Variants in DIAPH2 observed in about 807,000 individuals in gnomAD.
DIAPH2 encodes the protein diaphanous related formin 2.
A neutral mutation model predicts 92.7 loss-of-function variants in DIAPH2; 35 were observed. That is an observed-to-expected ratio of 0.38 (90% confidence interval 0.29 to 0.50). The LOEUF is 0.50. Ranked by LOEUF, DIAPH2 falls within the 20% of genes least tolerant of loss-of-function variation. DIAPH2 has a pLI of 0.94. For synonymous variants in DIAPH2, 301 were observed against 280.4 expected, an observed-to-expected ratio of 1.07 and a Z score of -0.73; for missense variants, 701 against 819.5, an observed-to-expected ratio of 0.86 and a Z score of 1.77.
chrX:97,461,027 C>T (rs1345229519), intron 26 of DIAPH2, among the ~76,000 whole-genome samples: 1 of 112,014 alleles, frequency 8.9e-6, no homozygotes, highest in African/African-American at 3.2e-5. Context: ...GAATGTATGA[C>T]CCTACAGGGC....
At chrX:97,502,851 G>C (rs1276733651) in intron 26 of DIAPH2, among the ~76,000 whole-genome samples, 1 of 112,433 alleles carries the variant, frequency 8.9e-6, no homozygotes, top group Non-Finnish European at 1.9e-5. Context: ...CTAGTAACGT[G>C]AGCAGTGCAA....
intron 22 of DIAPH2, among the ~76,000 whole-genome samples, chrX:97,160,496 T>C (rs2067360949): frequency 1.8e-5 from 2 of 112,276 alleles, no homozygotes; most frequent in Non-Finnish European, 3.8e-5. Flanking sequence ...CTTAAACAAT[T>C]TCATTAAATT....
chrX:97,586,764 T>C (rs5921856), intron 26 of DIAPH2, among the ~76,000 whole-genome samples: 4,261 of 111,834 alleles, frequency 0.038, 73 homozygotes, highest in Non-Finnish European at 0.056. Flanking sequence ...CTTGGCTGAG[T>C]ATTTAATTTC....
chrX:96,814,695 C>A (rs1008623629), intron 4 of DIAPH2, among the ~76,000 whole-genome samples: 10 of 111,766 alleles, frequency 8.9e-5, no homozygotes, highest in Admixed American at 6.7e-4. Flanking sequence ...AATGGGTGAC[C>A]TCCAGATGGG....
rs866873226 is a variant in DIAPH2, at chrX:96,897,694, A to T, written c.588-14634A>T. Among the ~76,000 whole-genome samples, 3 of 110,625 alleles carry T rather than the reference A, an allele frequency of 2.7e-5. No homozygotes were observed. In the East Asian group the frequency reaches 8.5e-4, roughly 31 times the overall value. On this transcript the variant is annotated intron_variant, in intron 5 of 26. Transcript: ENST00000324765. ...ATTTGTAGGCAAATGTTAAACAATT[A>T]AAAAAAATTTTTTTTCAATTTTTTT...
intron 24 of DIAPH2, among the ~76,000 whole-genome samples, chrX:97,359,004 G>A (rs968889533): frequency 6.2e-5 from 7 of 112,026 alleles, no homozygotes; most frequent in Non-Finnish European, 1.1e-4. Flanking sequence ...GTATAGTGCC[G>A]TTGGTTATGT....
At chrX:96,878,921 A>G (rs1171612558) in intron 4 of DIAPH2, among the ~76,000 whole-genome samples, 3 of 111,726 alleles carry the variant, frequency 2.7e-5, no homozygotes, top group African/African-American at 9.8e-5. Flanking sequence ...TCTGAAGCAA[A>G]ACTAAGCTTA....
chrX:96,817,593 A>G (rs984098125), intron 4 of DIAPH2, among the ~76,000 whole-genome samples: 1 of 111,584 alleles, frequency 9.0e-6, no homozygotes, highest in Admixed American at 9.5e-5. Context: ...TATTTAACAA[A>G]AGAAATTTAT....
rs199573419 is a variant in DIAPH2, at chrX:97,247,815, C to T, written c.2820C>T (p.His940=). 70 of 1,206,652 alleles carry T rather than the reference C, an allele frequency of 5.8e-5. No individual in the cohort carries two copies. In the East Asian group the frequency reaches 1.5e-3, roughly 27 times the overall value. The change falls in exon 23 of 27, where the codon CAC becomes CAT. Residue 940 remains histidine, a synonymous_variant. Transcript: ENST00000324765. ...AATTCCCCCAAGCAGAAAATCAACA[C>T]GATAAGTTTGTGGAAAAGATGACCA... ...IKKFPQAENQ[H]DKFVEKMTSF...
At chrX:97,497,579 G>A (rs935489250) in intron 26 of DIAPH2, among the ~76,000 whole-genome samples, 6 of 110,496 alleles carry the variant, frequency 5.4e-5, no homozygotes, top group Non-Finnish European at 1.1e-4. Flanking sequence ...GCCGAGTTTG[G>A]CGGATTACTT....
chrX:96,976,066 C>T (rs143009696), intron 17 of DIAPH2, among the ~76,000 whole-genome samples: 84 of 94,984 alleles, frequency 8.8e-4, no homozygotes, highest in African/African-American at 3.0e-3. Flanking sequence ...GGCTGGAGTG[C>T]ACTGGCATGA....
chrX:97,332,892 C>T (rs767293262), intron 23 of DIAPH2, among the ~76,000 whole-genome samples: 17 of 111,676 alleles, frequency 1.5e-4, no homozygotes, highest in African/African-American at 5.5e-4. Context: ...CTCCTTTTTG[C>T]CCTAGCTCTG....
intron 26 of DIAPH2, among the ~76,000 whole-genome samples, chrX:97,501,218 A>T (rs971952371): frequency 4.5e-5 from 5 of 111,476 alleles, no homozygotes; most frequent in Non-Finnish European, 9.4e-5. Context: ...GATATATACT[A>T]GTCTTTGAGT....
chrX:97,579,775 C>T (rs868651734), intron 26 of DIAPH2, among the ~76,000 whole-genome samples: 108 of 110,454 alleles, frequency 9.8e-4, no homozygotes, highest in South Asian at 1.6e-3. Flanking sequence ...GCCATTTTCA[C>T]GATATTGATT....
intron 18 of DIAPH2, among the ~76,000 whole-genome samples, chrX:97,074,018 T>C (rs1419374379): frequency 8.9e-6 from 1 of 112,032 alleles, no homozygotes; most frequent in Non-Finnish European, 1.9e-5. Context: ...AAGGTAATCA[T>C]TTGTCTATAG....
chrX:97,322,852 A>G (rs1457583499), intron 23 of DIAPH2, among the ~76,000 whole-genome samples: 2 of 109,128 alleles, frequency 1.8e-5, no homozygotes, highest in Non-Finnish European at 3.8e-5. Flanking sequence ...ATATATTCCT[A>G]CAAGTACAAA....
intron 22 of DIAPH2, among the ~76,000 whole-genome samples, chrX:97,217,686 G>A (rs988737387): frequency 2.7e-5 from 3 of 112,191 alleles, no homozygotes; most frequent in Non-Finnish European, 3.8e-5. Flanking sequence ...GTTGGCTCAC[G>A]CCTGTAATCC....
chrX:97,119,862 G>A (rs1342795677), intron 21 of DIAPH2, among the ~76,000 whole-genome samples: 2 of 111,591 alleles, frequency 1.8e-5, no homozygotes, highest in Non-Finnish European at 3.8e-5. Flanking sequence ...CAGCTCCCAC[G>A]CAATCCAAAG....
At chrX:97,166,282 G>A (rs1261869399) in intron 22 of DIAPH2, among the ~76,000 whole-genome samples, 1 of 110,830 alleles carries the variant, frequency 9.0e-6, no homozygotes, top group Non-Finnish European at 1.9e-5. Flanking sequence ...AAAAGCCTTT[G>A]GCATTAATGT....
Sources: gnomAD v4.1 joint callset for allele counts (sites outside exome capture counted in the v4.1 genomes callset) on GRCh38, gnomAD v4.1.1 for gene constraint, MANE v1.5 for transcripts, NCBI Gene and HGNC (gene_info 2026-07-23, HGNC 2026-07-21) for gene names.